The following BMP1 variants were observed in gnomAD, a reference collection of about 807,000 sequenced individuals.
BMP1 encodes the protein bone morphogenetic protein 1.
Under a neutral mutation model 116.8 loss-of-function variants are expected in BMP1, and 63 were observed. That is an observed-to-expected ratio of 0.54 (90% confidence interval 0.44 to 0.67). The LOEUF (loss-of-function observed/expected upper bound fraction) is 0.67. BMP1 is among the 30% of genes least tolerant of loss of function. BMP1 has a pLI of 0.00. For missense variants in BMP1, 1,183 were observed against 1,358.9 expected, an observed-to-expected ratio of 0.87 and a Z score of 2.04; for synonymous variants, 536 against 533.4, an observed-to-expected ratio of 1.00 and a Z score of -0.07.
rs187660387 is a variant in BMP1 at position 22,180,618 on chromosome 8, C to T, written c.1077+135C>T. 4.3e-5 allele frequency: 32 copies of T among 739,932 alleles called. No homozygotes were observed. The East Asian group carries it at 8.4e-4, about 20-fold the overall frequency. The allele number at this position is 739,932 out of a possible 1,614,324, so 45.8% of individuals were successfully genotyped here. On this transcript the variant is annotated intron_variant, in intron 8 of 19. Transcript: ENST00000306385. ...CCGTAAATGTATCAAGTCCAGAGCG[C>T]TGATGGAGCACGGCTGTAGGAAGGG...
Position 22,206,866 on chromosome 8 carries a change from A to C in BMP1, c.2246A>C (p.His749Pro). The change falls in exon 17 of 20, where the codon CAC becomes CCC. Residue 749 changes from histidine (H) to proline (P), a missense_variant. His to Pro is a moderately conservative substitution (Grantham distance 77). Transcript: ENST00000306385. ...KHDCKEAGCD[H>P]KVTSTSGTIT... is the part of the protein sequence containing the mutation. ...CGCTTCCCTGCAGCCGGCTGTGACC[A>C]CAAGGTGACATCCACCAGTGGTACC... 6.2e-7 allele frequency: 1 copy of C among 1,614,168 alleles called. No individual in the cohort carries two copies. The highest frequency in any genetic ancestry group is 2.2e-5 in the East Asian group (1 of 44,888).
chr8:22,194,919 G>C lies in BMP1; in HGVS notation c.1639G>C (p.Glu547Gln). ...GGGCTTTGCCGTCAACTTTTTCAAAGGTGCCTCCTCTGTTACTCTCCCCTG... is the reference window on the plus strand; with the variant it reads ...GGGCTTTGCCGTCAACTTTTTCAAACGTGCCTCCTCTGTTACTCTCCCCTG... ...KAGFAVNFFKEVDECSRPNRG... is the reference protein window; with the variant it reads ...KAGFAVNFFKQVDECSRPNRG... The change falls in exon 12 of 20, where the codon GAG becomes CAG. Residue 547 changes from glutamate to glutamine, a missense_variant and splice_region_variant. Around this residue, in one of 4 missense-constraint regions of BMP1, gnomAD observed 956 missense variants for 1,135.2 expected, o/e 0.84. Coordinates refer to ENST00000306385, the MANE Select transcript of BMP1 (RefSeq NM_006129.5). The surrounding 1 kb of genome is among the most constrained non-coding windows in gnomAD (Gnocchi z 4.5). The C allele has an allele frequency of 6.2e-7, 1 of 1,605,594 alleles. No individual in the cohort carries two copies. The highest frequency in any genetic ancestry group is 8.5e-7 in the Non-Finnish European group (1 of 1,176,594).
chr8:22,182,438 C>T (rs1828648406), intron 8 of BMP1, among the ~76,000 whole-genome samples: 1 of 152,184 alleles, frequency 6.6e-6, no homozygotes, highest in Non-Finnish European at 1.5e-5. Context: ...CATTACTATC[C>T]AGCCACAGGT....
chr8:22,187,497 ATTTTTTTTTTTTT>A (rs768807192), intron 8 of BMP1, among the ~76,000 whole-genome samples: 1 of 104,458 alleles, frequency 9.6e-6, no homozygotes, highest in East Asian at 2.6e-4. Flanking sequence ...CGCCCGGCTA[ATTTTTTTTTTTTT>A]TTTTTTTTTT....
chr8:22,204,727 C>T (rs773008622), intron 16 of BMP1, among the ~76,000 whole-genome samples: 3 of 139,784 alleles, frequency 2.1e-5, no homozygotes, highest in Middle Eastern at 3.5e-3. Context: ...TGTCCCCCCC[C>T]ACCCCGCCCG....
At chr8:22,178,845 C>A (rs1291380060) in intron 6 of BMP1, among the ~76,000 whole-genome samples, 2 of 152,132 alleles carry the variant, frequency 1.3e-5, no homozygotes, top group Non-Finnish European at 2.9e-5. Flanking sequence ...CTTTGCTCAT[C>A]CTCTGTCTGT....
rs1009715821 is a variant in BMP1 at position 22,195,521 on chromosome 8, C to G, written c.1699C>G (p.Leu567Val). The G allele has an allele frequency of 4.3e-6, 7 of 1,612,706 alleles. No homozygotes were observed. The African/African-American group carries it at 8.0e-5, about 18-fold the overall frequency. The change falls in exon 13 of 20, where the codon CTG (leucine) becomes GTG (valine). Residue 567 changes from leucine to valine, a missense_variant. Transcript: ENST00000306385. Reference sequence around the variant, plus strand: ...CTGTGAGCAGCGGTGCCTCAACACCCTGGGCAGCTACAAGTGCAGCTGTGA... The same window carrying G: ...CTGTGAGCAGCGGTGCCTCAACACCGTGGGCAGCTACAAGTGCAGCTGTGA... ...GGCEQRCLNT[L>V]GSYKCSCDPG... is the part of the protein sequence containing the mutation.
intron 18 of BMP1, among the ~76,000 whole-genome samples, chr8:22,208,423 A>G (rs1198325819): frequency 6.6e-6 from 1 of 152,200 alleles, no homozygotes; most frequent in African/African-American, 2.4e-5. Context: ...CTCGCAGTCC[A>G]GGAGAGAGAC....
In BMP1 at chr8:22,165,539, A is replaced by G; in HGVS notation, c.134A>G (p.Asp45Gly). 6.3e-7 allele frequency: 1 copy of G among 1,586,978 alleles called. No homozygotes were observed. Among genetic ancestry groups the G allele is most frequent in the Non-Finnish European group, 8.6e-7 (1 of 1,169,442 alleles). The change falls in exon 1 of 20, where the codon GAC becomes GGC. Residue 45 changes from aspartate (D) to glycine (G), a missense_variant. Asp to Gly is a moderately conservative substitution (Grantham distance 94). This residue lies in a region of BMP1 where 185 missense variants were observed against 158.9 expected (regional missense o/e 1.16). Transcript: ENST00000306385. The part of the protein sequence containing the change: ...EDDSEPLNYK[D>G]PCKAAAFLGD... Reference sequence around the variant, plus strand: ...GACTCGGAGCCCCTCAACTACAAAGACCCCTGCAAGGCGGGTGAGCGCCCC... The same window carrying G: ...GACTCGGAGCCCCTCAACTACAAAGGCCCCTGCAAGGCGGGTGAGCGCCCC...
At chr8:22,191,510 G>A (rs1828930299) in intron 8 of BMP1, among the ~76,000 whole-genome samples, 2 of 152,200 alleles carry the variant, frequency 1.3e-5, no homozygotes, top group African/African-American at 2.4e-5. Context: ...GGCTCAGATC[G>A]GAGGATGGCT....
chr8:22,202,756 C>A (rs1829289835), intron 16 of BMP1, among the ~76,000 whole-genome samples: 1 of 152,194 alleles, frequency 6.6e-6, no homozygotes, highest in Non-Finnish European at 1.5e-5. Flanking sequence ...CACCTGTAAT[C>A]CCAGCACTTT....
rs149003237 is a variant in BMP1, at chr8:22,165,882, C to CGTGTGTGTGTGTGTGTGTGTGT, written c.148+352_148+373dup. Reference sequence around the variant, plus strand: ...TTTTCTGGCCAAACTCCTGTGCGTGCGTGTGTGTGTGTGTGTGTGTGTGTG... The same window carrying CGTGTGTGTGTGTGTGTGTGTGT: ...TTTTCTGGCCAAACTCCTGTGCGTGCGTGTGTGTGTGTGTGTGTGTGTGTGTGTGTGTGTGTGTGTGTGTGTG... On this transcript the variant is annotated intron_variant, in intron 1 of 19. Coordinates refer to ENST00000306385, the MANE Select transcript of BMP1 (RefSeq NM_006129.5). Among the ~76,000 whole-genome samples, 931 of 131,390 alleles carry CGTGTGTGTGTGTGTGTGTGTGT rather than the reference C, an allele frequency of 7.1e-3. 19 individuals are homozygous for CGTGTGTGTGTGTGTGTGTGTGT. Among genetic ancestry groups the CGTGTGTGTGTGTGTGTGTGTGT allele is most frequent in the East Asian group, 0.012 (45 of 3,872 alleles). 86.2% of individuals were successfully genotyped at this position (131,390 alleles called of 152,430 possible).
At position 22,201,936 on chromosome 8, in the gene BMP1, C is replaced by T; in HGVS notation, c.2233+8C>T. On this transcript the variant is annotated splice_region_variant and intron_variant, in intron 16 of 19. Coordinates refer to ENST00000306385, the MANE Select transcript of BMP1 (RefSeq NM_006129.5). ...AGCACGACTGCAAAGAAGGTACGGG[C>T]TGCATGCCAGGGGCATCTGGGCTTG... The T allele has an allele frequency of 6.2e-7, 1 of 1,608,372 alleles. No individual in the cohort carries two copies. The highest frequency in any genetic ancestry group is 8.5e-7 in the Non-Finnish European group (1 of 1,176,796).
intron 5 of BMP1, 148 bp downstream of exon 5, chr8:22,177,287 C>A (rs1828474420): frequency 2.3e-6 from 2 of 864,248 alleles, no homozygotes; most frequent in African/African-American, 1.7e-5. Context: ...TGAGCCAGCC[C>A]CTGCCCTTGA....
rs569980230 is a variant in BMP1, at chr8:22,182,296, C to T, written c.1077+1813C>T. Among the ~76,000 whole-genome samples, 3 of 152,310 alleles carry T rather than the reference C, an allele frequency of 2.0e-5. No homozygotes were observed. In the South Asian group the frequency reaches 6.2e-4, roughly 32 times the overall value. The stretch of plus-strand genomic sequence containing the variant: ...ATAAGCATGACTTCTAGGTCTTCGT[C>T]CTGGCCTTTGATCAAAACATAGAAC... On this transcript the variant is annotated intron_variant, in intron 8 of 19. Coordinates refer to ENST00000306385, the MANE Select transcript of BMP1 (RefSeq NM_006129.5).
At chr8:22,204,163 G>A (rs1367428755) in intron 16 of BMP1, among the ~76,000 whole-genome samples, 1 of 152,204 alleles carries the variant, frequency 6.6e-6, no homozygotes, top group African/African-American at 2.4e-5. Context: ...AAGGAACACA[G>A]GGGGCGTGGA....
At chr8:22,181,941 A>C (rs1488242385) in intron 8 of BMP1, among the ~76,000 whole-genome samples, 1 of 152,136 alleles carries the variant, frequency 6.6e-6, no homozygotes, top group Non-Finnish European at 1.5e-5. Flanking sequence ...GCAATGCAGG[A>C]TAACTCACTC....
chr8:22,206,993 C>A lies in BMP1; in HGVS notation c.2361+12C>A. ...ACCGGGTCAAGCTGGTAAGGGGTCCCCTCCCCACTCCTTATGCGGTGTGGC... is the reference window on the plus strand; with the variant it reads ...ACCGGGTCAAGCTGGTAAGGGGTCCACTCCCCACTCCTTATGCGGTGTGGC... On this transcript the variant is annotated intron_variant, in intron 17 of 19. Coordinates refer to ENST00000306385, the MANE Select transcript of BMP1 (RefSeq NM_006129.5). The A allele has an allele frequency of 6.2e-7, 1 of 1,613,708 alleles. No individual in the cohort carries two copies. Among genetic ancestry groups the A allele is most frequent in the Non-Finnish European group, 8.5e-7 (1 of 1,179,854 alleles).
At chr8:22,181,728 T>A (rs1364839171) in intron 8 of BMP1, among the ~76,000 whole-genome samples, 1 of 152,140 alleles carries the variant, frequency 6.6e-6, no homozygotes, top group East Asian at 1.9e-4. Flanking sequence ...ATTTTTTTTC[T>A]ATTTTTGGTC....
Sources: allele counts gnomAD v4.1 joint callset (sites outside exome capture counted in the v4.1 genomes callset), GRCh38; gene constraint gnomAD v4.1.1; regional missense constraint gnomAD v4.1.1; non-coding constraint Gnocchi (gnomAD v3.1); transcripts MANE v1.5; gene names NCBI Gene and HGNC (gene_info 2026-07-23, HGNC 2026-07-21).